TYW1B: variants seen among roughly 807,000 people sequenced by gnomAD.
The protein encoded by TYW1B is tRNA-yW synthesizing protein 1 homolog B.
Under a neutral mutation model 86.9 loss-of-function variants are expected in TYW1B, and 73 were observed. That is an observed-to-expected ratio of 0.84 (90% CI 0.70 to 1.02). The LOEUF is 1.02. Among genes scored for constraint, TYW1B ranks in the 50% least tolerant of loss-of-function variants. The probability of loss-of-function intolerance (pLI) is 0.00; values close to 1 mark genes in which losing one functional copy is unlikely to be tolerated. For synonymous variants in TYW1B, 248 were observed against 292.8 expected (o/e 0.85, Z 1.56); for missense variants, 637 against 827.4 (o/e 0.77, Z 2.82).
intron 11 of TYW1B, among the ~76,000 whole-genome samples, chr7:72,638,586 T>C (rs1424982958): frequency 2.6e-5 from 4 of 152,174 alleles, no homozygotes; most frequent in Non-Finnish European, 5.9e-5. Context: ...AGCTTTCCCA[T>C]TAATATCAGG....
At chr7:72,766,363 C>T (rs1166359964) in intron 7 of TYW1B, among the ~76,000 whole-genome samples, 1 of 152,134 alleles carries the variant, frequency 6.6e-6, no homozygotes, top group Non-Finnish European at 1.5e-5. Context: ...CGCCTATAAT[C>T]CCACCTTTGG....
In TYW1B at chr7:72,707,332, C is replaced by A. The variant is rs137869108; in HGVS notation, c.1370+6289G>T. On this transcript the variant is annotated intron_variant, in intron 10 of 13. Coordinates refer to ENST00000620995, the MANE Select transcript of TYW1B (RefSeq NM_001145440.3). ...GGATGAGAGGTCATGTGAATAGAGGCCCCTGGGCCCCAGCCCAGCCCATCA... is the reference window on the plus strand; with the variant it reads ...GGATGAGAGGTCATGTGAATAGAGGACCCTGGGCCCCAGCCCAGCCCATCA... Among the ~76,000 whole-genome samples, 393 of 152,358 alleles carry A rather than the reference C, an allele frequency of 2.6e-3. 1 individual carries two copies. Among genetic ancestry groups the A allele is most frequent in the Middle Eastern group, 0.01 (3 of 294 alleles).
chr7:72,798,027 A>ACACACG, intron 6 of TYW1B, among the ~76,000 whole-genome samples: 1 of 116,666 alleles, frequency 8.6e-6, no homozygotes, highest in Non-Finnish European at 1.9e-5. Flanking sequence ...ACACACACAC[A>ACACACG]CACACACACA....
At chr7:72,783,875 AG>A (rs1788087658) in intron 6 of TYW1B, among the ~76,000 whole-genome samples, 1 of 152,210 alleles carries the variant, frequency 6.6e-6, no homozygotes, top group African/African-American at 2.4e-5. Flanking sequence ...TCTTGTTTCT[AG>A]GTGAAGTAAA....
In TYW1B at chr7:72,810,520, T is replaced by G. The variant is rs782284907; in HGVS notation, c.383A>C (p.Asp128Ala). The G allele has an allele frequency of 6.2e-7, 1 of 1,613,912 alleles. No individual in the cohort carries two copies. Among genetic ancestry groups the G allele is most frequent in the Non-Finnish European group, 8.5e-7 (1 of 1,179,858 alleles). Reference sequence around the variant, plus strand: ...AGAATTTCCCAGGCCAAATACCGCATCTCTCATACCCTTCAGGTAAGTTTT... The same window carrying G: ...AGAATTTCCCAGGCCAAATACCGCAGCTCTCATACCCTTCAGGTAAGTTTT... ...FGKTYLKGMRDAVFGLGNSAY... is the reference protein window; with the variant it reads ...FGKTYLKGMRAAVFGLGNSAY... Residue 128 changes from aspartate (D) to alanine (A), a missense_variant, in exon 4 of 14, where the codon GAT becomes GCT. By Grantham distance (126) the Asp-to-Ala change is moderately radical. Coordinates refer to ENST00000620995, the MANE Select transcript of TYW1B (RefSeq NM_001145440.3).
intron 11 of TYW1B, among the ~76,000 whole-genome samples, chr7:72,650,344 G>A (rs115057602): frequency 0.017 from 2,543 of 152,066 alleles, 63 homozygotes; most frequent in African/African-American, 0.058. Flanking sequence ...TTCCTCCCTG[G>A]AAAGCTTATT....
At chr7:72,700,016 G>T (rs1419822976) in intron 10 of TYW1B, among the ~76,000 whole-genome samples, 2 of 151,944 alleles carry the variant, frequency 1.3e-5, no homozygotes, top group Non-Finnish European at 2.9e-5. Context: ...GTGGCTCTAG[G>T]GTGGTGGAGA....
chr7:72,689,007 T>A (rs1554449903), intron 11 of TYW1B, among the ~76,000 whole-genome samples: 2 of 152,164 alleles, frequency 1.3e-5, no homozygotes, highest in Admixed American at 1.3e-4. Context: ...TAAAATGGCA[T>A]TAAATCCAAG....
At chr7:72,826,757 G>C in intron 2 of TYW1B, 98 bp downstream of exon 2, 1 of 1,461,564 alleles carries the variant, frequency 6.8e-7, no homozygotes. Flanking sequence ...AATGTCTAAA[G>C]ACCAAACACA....
chr7:72,608,230 C>G (rs1168156845), intron 13 of TYW1B, among the ~76,000 whole-genome samples: 8 of 152,150 alleles, frequency 5.3e-5, no homozygotes, highest in African/African-American at 1.9e-4. Context: ...CTTGGACCAT[C>G]TGGAAGAAAG....
intron 5 of TYW1B, among the ~76,000 whole-genome samples, chr7:72,803,946 T>C (rs1788450374): frequency 6.6e-6 from 1 of 151,846 alleles, no homozygotes; most frequent in Admixed American, 6.6e-5. Flanking sequence ...GAAGTAGTTG[T>C]TTGTTTTCAA....
chr7:72,774,130 G>A (rs1787912774), intron 7 of TYW1B, among the ~76,000 whole-genome samples: 1 of 151,450 alleles, frequency 6.6e-6, no homozygotes, highest in Non-Finnish European at 1.5e-5. Context: ...GGAAGGGAAG[G>A]ACTGAGGAAG....
intron 9 of TYW1B, among the ~76,000 whole-genome samples, chr7:72,719,991 G>A (rs1443449597): frequency 1.3e-5 from 2 of 151,870 alleles, no homozygotes; most frequent in Non-Finnish European, 1.5e-5. Flanking sequence ...GAGAACAGAG[G>A]GGCAAGGAGA....
intron 7 of TYW1B, among the ~76,000 whole-genome samples, chr7:72,763,490 G>A (rs561228146): frequency 6.6e-6 from 1 of 151,816 alleles, no homozygotes; most frequent in South Asian, 2.1e-4. Context: ...CACCATGTTG[G>A]CCAGGCTGGT....
At chr7:72,761,484 G>A (rs1787683987) in intron 7 of TYW1B, among the ~76,000 whole-genome samples, 1 of 151,874 alleles carries the variant, frequency 6.6e-6, no homozygotes, top group Non-Finnish European at 1.5e-5. Flanking sequence ...GCTCATACGA[G>A]GGAGGCTGAG....
intron 7 of TYW1B, among the ~76,000 whole-genome samples, chr7:72,776,556 C>CA (rs67553013): frequency 0.046 from 2,054 of 45,070 alleles, 160 homozygotes; most frequent in Non-Finnish European, 0.051. Flanking sequence ...GACTCTGTCT[C>CA]AAAAAAAAAA....
rs11359200 is a variant in TYW1B, at chr7:72,753,480, A to ATTTTT, written c.965-8884_965-8880dup. Among the ~76,000 whole-genome samples the ATTTTT allele has an allele frequency of 1.2e-4, 17 of 138,596 alleles. 1 individual carries two copies. Among genetic ancestry groups the ATTTTT allele is most frequent in the African/African-American group, 3.0e-4 (11 of 37,078 alleles). 90.9% of individuals were successfully genotyped at this position (138,596 alleles called of 152,430 possible). ...CTGAAGGCTCAGATGATCATTAGCA[A>ATTTTT]TTTTTTTTTTTTTTTTTTGAGACAG... On this transcript the variant is annotated intron_variant, in intron 7 of 13. Coordinates refer to ENST00000620995, the MANE Select transcript of TYW1B (RefSeq NM_001145440.3).
In TYW1B at chr7:72,632,347, TATATATATTATATATATACGC is replaced by T. The variant is rs1160112462; in HGVS notation, c.1507-3371_1507-3351del. Reference sequence around the variant, plus strand: ...TATATATATATACACGTATATATATTATATATATTATATATATACGCATATATATTATATATATACGTATAT... The same window carrying T: ...TATATATATATACACGTATATATATTATATATATTATATATATACGTATAT... On this transcript the variant is annotated intron_variant, in intron 11 of 13. Transcript: ENST00000620995. 1.3e-3 allele frequency among the ~76,000 whole-genome samples: 135 copies of T among 103,760 alleles called. 1 individual carries two copies. Among genetic ancestry groups the T allele is most frequent in the African/African-American group, 4.6e-3 (94 of 20,632 alleles). 68.1% of individuals were successfully genotyped at this position (103,760 alleles called of 152,430 possible).
intron 8 of TYW1B, among the ~76,000 whole-genome samples, chr7:72,730,982 A>G (rs1303265857): frequency 1.3e-5 from 2 of 151,668 alleles, no homozygotes; most frequent in Non-Finnish European, 2.9e-5. Flanking sequence ...AACTGTCAAA[A>G]GACAATGACA....
Sources: gnomAD v4.1 joint callset for allele counts (sites outside exome capture counted in the v4.1 genomes callset) on GRCh38, gnomAD v4.1.1 for gene constraint, MANE v1.5 for transcripts, NCBI Gene and HGNC (gene_info 2026-07-23, HGNC 2026-07-21) for gene names.